SORCS1: variants seen among roughly 807,000 people sequenced by gnomAD.
The protein encoded by SORCS1 is VPS10 domain-containing receptor SorCS1.
In SORCS1, 60 loss-of-function variants were observed where a neutral mutation model predicts 146.1. That is an observed-to-expected ratio of 0.41 (90% CI 0.33 to 0.51). SORCS1 has a LOEUF of 0.51. Ranked by LOEUF, SORCS1 falls within the 20% of genes least tolerant of loss-of-function variation. The pLI is 0.21. For synonymous variants in SORCS1, 637 were observed against 584.0 expected (o/e 1.09, Z -1.31); for missense variants, 1,352 against 1,487.6 (o/e 0.91, Z 1.50).
At chr10:107,028,994 T>C (rs1191261998) in intron 1 of SORCS1, among the ~76,000 whole-genome samples, 1 of 152,206 alleles carries the variant, frequency 6.6e-6, no homozygotes, top group Non-Finnish European at 1.5e-5. Context: ...GGAGTACTCA[T>C]AGTTCCTAGA....
In SORCS1 at chr10:106,672,934, A is replaced by G. The variant is rs1408513649; in HGVS notation, c.1992T>C (p.Asp664=). 1 of 1,614,096 alleles carries G rather than the reference A, an allele frequency of 6.2e-7. No homozygotes were observed. Among genetic ancestry groups the G allele is most frequent in the African/African-American group, 1.3e-5 (1 of 75,064 alleles). The change falls in exon 15 of 26, where the codon GAT becomes GAC. Residue 664 remains aspartate, a synonymous_variant. Transcript: ENST00000263054. The stretch of plus-strand genomic sequence containing the variant: ...ACCGTCTATCAAAAATGGACTTGTA[A>G]TCTACTTTGACCAGCTGCCATTCAG... ...HRSEWQLVKV[D]YKSIFDRRCA...
Position 106,688,277 on chromosome 10 carries a change from A to G in SORCS1, c.1475T>C (p.Phe492Ser). 3 of 1,614,028 alleles carry G rather than the reference A, an allele frequency of 1.9e-6. No homozygotes were observed. The highest frequency in any genetic ancestry group is 2.5e-6 in the Non-Finnish European group (3 of 1,179,922). Residue 492 changes from phenylalanine to serine, a missense_variant, in exon 10 of 26, where the codon TTC becomes TCC. Transcript: ENST00000263054. ...NKKIDNQVKT[F>S]ITYNKGRDWR... ...GTCTCTGCCTTTGTTATATGTGATG[A>G]AAGTCTTCACTTGGTTGTCAATCTT... is the stretch of plus-strand genomic sequence containing the variant.
chr10:106,865,715 C>T (rs1950201320), intron 2 of SORCS1, among the ~76,000 whole-genome samples: 2 of 149,276 alleles, frequency 1.3e-5, no homozygotes, highest in Non-Finnish European at 3.0e-5. Context: ...GAGAGCAAGA[C>T]TCCATCTCAA....
chr10:106,705,755 C>A (rs888084918), intron 8 of SORCS1, among the ~76,000 whole-genome samples: 2 of 152,174 alleles, frequency 1.3e-5, no homozygotes, highest in African/African-American at 4.8e-5. Flanking sequence ...GTCAGTTTGA[C>A]CTCCACTAGG....
At chr10:107,080,351 T>C (rs1028509571) in intron 1 of SORCS1, among the ~76,000 whole-genome samples, 2 of 152,180 alleles carry the variant, frequency 1.3e-5, no homozygotes, top group African/African-American at 4.8e-5. Context: ...ACTAGTAAAA[T>C]GAGATTATCT....
chr10:106,986,271 C>T (rs1173625073), intron 1 of SORCS1, among the ~76,000 whole-genome samples: 2 of 151,628 alleles, frequency 1.3e-5, no homozygotes, highest in East Asian at 3.9e-4. Flanking sequence ...TACATATGTA[C>T]AGCAAATATA....
At position 107,055,904 on chromosome 10, in the gene SORCS1, C is replaced by T. The variant is rs1041364016; in HGVS notation, c.559-99324G>A. On this transcript the variant is annotated intron_variant, in intron 1 of 25. Coordinates refer to ENST00000263054, the MANE Select transcript of SORCS1 (RefSeq NM_052918.5). ...TCTATCAGAGCCAGTCCATAACTAC[C>T]TTTTTTCTTCTGAATACTGAAGTCA... Among the ~76,000 whole-genome samples, 6 of 152,144 alleles carry T rather than the reference C, an allele frequency of 3.9e-5. 1 individual carries two copies. The highest frequency in any genetic ancestry group is 3.3e-4 in the Admixed American group (5 of 15,278).
At chr10:106,912,117 A>C (rs542736590) in intron 2 of SORCS1, among the ~76,000 whole-genome samples, 19 of 150,904 alleles carry the variant, frequency 1.3e-4, no homozygotes, top group African/African-American at 4.2e-4. Context: ...CGTCTCAAAA[A>C]AAAAAAACAA....
At chr10:106,689,387 A>T (rs1007181162) in intron 9 of SORCS1, among the ~76,000 whole-genome samples, 7 of 152,192 alleles carry the variant, frequency 4.6e-5, no homozygotes, top group African/African-American at 1.7e-4. Context: ...TGCTGCATGT[A>T]CATTACCTCA....
rs1367212829 is a variant in SORCS1, at chr10:106,744,692, AG to A, written c.960-14579del. Among the ~76,000 whole-genome samples, 3 of 152,338 alleles carry A rather than the reference AG, an allele frequency of 2.0e-5. No homozygotes were observed. The East Asian group carries it at 5.8e-4, about 29-fold the overall frequency. ...AAATGACTTAAACACAGAGGTTAGT[AG>A]CCTGCTTACAGGTCTGTTTTGTTTT... On this transcript the variant is annotated intron_variant, in intron 5 of 25. Transcript: ENST00000263054.
At chr10:106,735,825 A>G (rs1171083086) in intron 5 of SORCS1, among the ~76,000 whole-genome samples, 13 of 152,244 alleles carry the variant, frequency 8.5e-5, no homozygotes. Context: ...ATTTATAAGC[A>G]GGTGAAAAGA....
At chr10:107,069,887 A>G (rs1343171043) in intron 1 of SORCS1, among the ~76,000 whole-genome samples, 6 of 152,220 alleles carry the variant, frequency 3.9e-5, no homozygotes, top group East Asian at 1.9e-4. Context: ...GCTTTTTAGT[A>G]TATTCAAAGA....
rs958025112 is a variant in SORCS1, at chr10:107,147,672, T to C, written c.558+16297A>G. Among the ~76,000 whole-genome samples the C allele has an allele frequency of 8.5e-5, 13 of 152,316 alleles. No homozygotes were observed. The East Asian group carries it at 2.5e-3, about 29-fold the overall frequency. On this transcript the variant is annotated intron_variant, in intron 1 of 25. Coordinates refer to ENST00000263054, the MANE Select transcript of SORCS1 (RefSeq NM_052918.5). ...CTTTATGGTATATCAATGCTGACCA[T>C]TTATCTTCTATACCAAGAGAGGTAA...
intron 2 of SORCS1, among the ~76,000 whole-genome samples, chr10:106,834,083 A>G (rs968666198): frequency 3.3e-5 from 5 of 151,970 alleles, no homozygotes; most frequent in African/African-American, 7.2e-5. Flanking sequence ...ATGAGCCACC[A>G]CGCCCGGTCA....
intron 7 of SORCS1, 88 bp from the exon 8 acceptor site, chr10:106,706,722 C>T: frequency 8.2e-7 from 1 of 1,221,188 alleles, no homozygotes; most frequent in Non-Finnish European, 1.2e-6. Context: ...AAGGAGGAAG[C>T]TTCCAACACA....
At chr10:107,165,290 T>TGA (rs1025708523), upstream of SORCS1, among the ~76,000 whole-genome samples, 5 of 115,056 alleles carry the variant, frequency 4.3e-5, no homozygotes, top group Admixed American at 4.5e-4. This position sits in a 1 kb window ranked among gnomAD's most constrained non-coding sequence, Gnocchi z 4.0. Flanking sequence ...ATCTCGTGTG[T>TGA]GAGTGTGTGT....
chr10:107,007,993 G>T (rs1957528238), intron 1 of SORCS1, among the ~76,000 whole-genome samples: 1 of 138,404 alleles, frequency 7.2e-6, no homozygotes, highest in African/African-American at 3.6e-5. Context: ...TGCTTTGTAT[G>T]TTGTCTAAAG....
intron 1 of SORCS1, among the ~76,000 whole-genome samples, chr10:107,017,491 A>C (rs2139807929): frequency 6.6e-6 from 1 of 152,350 alleles, no homozygotes; most frequent in African/African-American, 2.4e-5. Context: ...GAGTATAGTT[A>C]GCTTTGACAG....
chr10:106,986,522 G>A (rs1051856602), intron 1 of SORCS1, among the ~76,000 whole-genome samples: 14 of 67,338 alleles, frequency 2.1e-4, no homozygotes, highest in African/African-American at 1.1e-3. Flanking sequence ...GTGTGTGTGT[G>A]TGTGTGTGTG....
Sources: gnomAD v4.1 joint callset for allele counts (sites outside exome capture counted in the v4.1 genomes callset) on GRCh38, gnomAD v4.1.1 for gene constraint, Gnocchi (gnomAD v3.1) non-coding constraint, MANE v1.5 for transcripts, NCBI Gene and HGNC (gene_info 2026-07-23, HGNC 2026-07-21) for gene names.